The following GPRIN3 variants were observed in gnomAD, a reference collection of about 807,000 sequenced individuals.
GPRIN3 encodes G protein-regulated inducer of neurite outgrowth 3.
In GPRIN3, 12 loss-of-function variants were observed where a neutral mutation model predicts 13.7. That is an observed-to-expected ratio of 0.87 (90% CI 0.56 to 1.42). The LOEUF (loss-of-function observed/expected upper bound fraction) is 1.42, where lower values mean the gene tolerates loss of function less well. Among genes scored for constraint, GPRIN3 ranks in the 40% most tolerant of loss-of-function variants. The pLI is 0.00. For synonymous variants in GPRIN3, 377 were observed against 372.7 expected (o/e 1.01, Z -0.13); for missense variants, 1,009 against 958.7 (o/e 1.05, Z -0.69).
At chr4:89,302,527 T>C (rs975287925) in intron 1 of GPRIN3, among the ~76,000 whole-genome samples, 12 of 152,136 alleles carry the variant, frequency 7.9e-5, no homozygotes, top group Non-Finnish European at 1.5e-4. Context: ...GTAATAATAA[T>C]TGGGGCCCCA....
rs537481025 is a variant in GPRIN3 at position 89,282,660 on chromosome 4, A to G, written c.-124+24955T>C. The stretch of plus-strand genomic sequence containing the variant: ...GTGTGTTTTATGTGTTGCCCAAGAC[A>G]ATTATTCCAGCGTGACCCAGGGAAG... On this transcript the variant is annotated intron_variant, in intron 1 of 1. Coordinates refer to ENST00000609438, the MANE Select transcript of GPRIN3 (RefSeq NM_198281.3). 6.0e-5 allele frequency among the ~76,000 whole-genome samples: 9 copies of G among 150,568 alleles called. No homozygotes were observed. In the South Asian group the frequency reaches 1.7e-3, roughly 28 times the overall value.
chr4:89,248,035 G>T lies in GPRIN3; in HGVS notation c.2076C>A (p.Thr692=), dbSNP rs1272833676. ...RDVVWDEQGM[T]WEVYGASLDA... ...CCAAGGATGCACCATACACTTCCCA[G>T]GTCATTCCCTGCTCATCCCACACGA... The change falls in exon 2 of 2, where the codon ACC becomes ACA. Residue 692 remains threonine (T), a synonymous_variant. Coordinates refer to ENST00000609438, the MANE Select transcript of GPRIN3 (RefSeq NM_198281.3). 1.2e-6 allele frequency: 2 copies of T among 1,613,992 alleles called. No homozygotes were observed. The highest frequency in any genetic ancestry group is 1.7e-6 in the Non-Finnish European group (2 of 1,180,014).
rs1722974662 is a variant in GPRIN3 at position 89,242,627 on chromosome 4, T to C, written c.*5153A>G. On this transcript the variant is annotated 3_prime_UTR_variant, in exon 2 of 2. Transcript: ENST00000609438. ...AGAAACTATGCCTTTGCTTATTTTA[T>C]CCTGTGGGTTACAGTCAGTCTTCAT... 6.6e-6 allele frequency: 1 copy of C among 152,198 alleles called. No homozygotes were observed. Among genetic ancestry groups the C allele is most frequent in the Non-Finnish European group, 1.5e-5 (1 of 68,030 alleles). 9.4% of individuals were successfully genotyped at this position (152,198 alleles called of 1,614,324 possible). A position where few individuals can be genotyped will look rare whatever the true frequency, so the allele number is the denominator to read the frequency against.
intron 1 of GPRIN3, among the ~76,000 whole-genome samples, chr4:89,279,595 A>G (rs556172717): frequency 9.9e-5 from 15 of 152,188 alleles, no homozygotes; most frequent in Non-Finnish European, 2.2e-4. Context: ...TTCCGCTGAA[A>G]CTGCCCTTGC....
chr4:89,296,875 T>A (rs559859768), intron 1 of GPRIN3, among the ~76,000 whole-genome samples: 6 of 152,384 alleles, frequency 3.9e-5, no homozygotes, highest in African/African-American at 7.2e-5. Context: ...TGTGTTTTTT[T>A]AAATGTCTTA....
chr4:89,261,685 T>G (rs72872521), intron 1 of GPRIN3, among the ~76,000 whole-genome samples: 7,977 of 152,268 alleles, frequency 0.052, 672 homozygotes, highest in African/African-American at 0.18. Context: ...GCACAAGGTT[T>G]TTCACTACAT....
intron 1 of GPRIN3, among the ~76,000 whole-genome samples, chr4:89,291,546 A>G (rs1213954176): frequency 6.6e-6 from 1 of 152,236 alleles, no homozygotes; most frequent in Admixed American, 6.5e-5. Flanking sequence ...CACTGCATGA[A>G]TGTGCCACTG....
chr4:89,267,100 A>G (rs978806301), intron 1 of GPRIN3, among the ~76,000 whole-genome samples: 9 of 152,148 alleles, frequency 5.9e-5, no homozygotes, highest in African/African-American at 1.9e-4. Context: ...AAAACTCTGG[A>G]AACAGTCTTA....
intron 1 of GPRIN3, among the ~76,000 whole-genome samples, chr4:89,301,620 A>C (rs1724899596): frequency 6.6e-6 from 1 of 152,242 alleles, no homozygotes; most frequent in South Asian, 2.1e-4. Context: ...TTTAGAAATC[A>C]ATAACAACTG....
intron 1 of GPRIN3, among the ~76,000 whole-genome samples, chr4:89,257,086 T>C (rs1723488137): frequency 6.6e-6 from 1 of 152,210 alleles, no homozygotes; most frequent in African/African-American, 2.4e-5. Context: ...AGACATTAGC[T>C]GAAAAATTGT....
chr4:89,265,143 C>T (rs1561199950), intron 1 of GPRIN3, among the ~76,000 whole-genome samples: 1 of 152,092 alleles, frequency 6.6e-6, no homozygotes, highest in Non-Finnish European at 1.5e-5. Context: ...ATCATACATC[C>T]TGGGTGTTTT....
intron 1 of GPRIN3, among the ~76,000 whole-genome samples, chr4:89,284,840 T>C (rs536783422): frequency 2.6e-5 from 4 of 152,186 alleles, no homozygotes; most frequent in South Asian, 4.1e-4. Flanking sequence ...ATTTAGATTA[T>C]AGTTTAAATG....
At chr4:89,269,908 G>A (rs1017191415) in intron 1 of GPRIN3, among the ~76,000 whole-genome samples, 1 of 152,152 alleles carries the variant, frequency 6.6e-6, no homozygotes. Context: ...GAGGAACTAA[G>A]AGAATAAATG....
At chr4:89,288,060 A>C (rs1020981728) in intron 1 of GPRIN3, among the ~76,000 whole-genome samples, 2 of 152,154 alleles carry the variant, frequency 1.3e-5, no homozygotes, top group Admixed American at 1.3e-4. Flanking sequence ...GTACTGTCTA[A>C]TTTCGGTGCC....
chr4:89,256,238 A>G (rs1163659148), intron 1 of GPRIN3, among the ~76,000 whole-genome samples: 1 of 152,188 alleles, frequency 6.6e-6, no homozygotes, highest in Non-Finnish European at 1.5e-5. Context: ...ATATCTATAT[A>G]TATCTCCCTA....
At chr4:89,250,293 A>T in intron 1 of GPRIN3, 60 bp from the exon 2 acceptor site, 3 of 1,236,302 alleles carry the variant, frequency 2.4e-6, no homozygotes, top group Non-Finnish European at 3.1e-6. Flanking sequence ...TGAAAAATAA[A>T]CCAAACTGTC....
chr4:89,291,501 A>G (rs1392789688), intron 1 of GPRIN3, among the ~76,000 whole-genome samples: 3 of 152,228 alleles, frequency 2.0e-5, no homozygotes, highest in African/African-American at 7.2e-5. Context: ...TGTGCATATC[A>G]ATACTTTGTT....
intron 1 of GPRIN3, among the ~76,000 whole-genome samples, chr4:89,292,985 G>A (rs1420512581): frequency 6.6e-6 from 1 of 152,154 alleles, no homozygotes; most frequent in Non-Finnish European, 1.5e-5. Context: ...GGAGAGATGA[G>A]TTCAGTGGTA....
At chr4:89,277,482 C>T (rs984453713) in intron 1 of GPRIN3, among the ~76,000 whole-genome samples, 1 of 152,332 alleles carries the variant, frequency 6.6e-6, no homozygotes, top group South Asian at 2.1e-4. Flanking sequence ...GGCTTTGCCC[C>T]TTTTGTCACA....
Sources: allele counts gnomAD v4.1 joint callset (sites outside exome capture counted in the v4.1 genomes callset), GRCh38; gene constraint gnomAD v4.1.1; transcripts MANE v1.5; gene names NCBI Gene and HGNC (gene_info 2026-07-23, HGNC 2026-07-21).